EIF2B3: variants seen among roughly 807,000 people sequenced by gnomAD.
The protein encoded by EIF2B3 is eukaryotic translation initiation factor 2B subunit gamma.
In EIF2B3, 20 loss-of-function variants were observed where a neutral mutation model predicts 54.1. The observed-to-expected ratio is 0.37, with a 90% CI of 0.26 to 0.54. The LOEUF (loss-of-function observed/expected upper bound fraction) is 0.54, where lower values mean the gene tolerates loss of function less well. EIF2B3 is among the 20% of genes least tolerant of loss of function. The pLI is 0.86. For synonymous variants in EIF2B3, 153 were observed against 188.1 expected (o/e 0.81, Z 1.52); for missense variants, 448 against 547.8 (o/e 0.82, Z 1.82).
chr1:44,896,388 T>A (rs1009714783), intron 6 of EIF2B3, among the ~76,000 whole-genome samples: 1 of 152,152 alleles, frequency 6.6e-6, no homozygotes, highest in African/African-American at 2.4e-5. Context: ...GGGTGACAGG[T>A]AGGACACTGC....
intron 3 of EIF2B3, among the ~76,000 whole-genome samples, chr1:44,975,814 C>T (rs1644447254): frequency 6.6e-6 from 1 of 151,954 alleles, no homozygotes; most frequent in African/African-American, 2.4e-5. Context: ...CTATAAACTA[C>T]AAAAATTAGC....
At position 44,919,223 on chromosome 1, in the gene EIF2B3, G is replaced by A. The variant is rs576630322; in HGVS notation, c.566+7405C>T. On this transcript the variant is annotated intron_variant, in intron 5 of 11. Transcript: ENST00000360403. ...AAATTAGCTGGGCGTGGTGGCACAC[G>A]CCTGTAATCCCAACTACTCGGGAGG... Among the ~76,000 whole-genome samples, 91 of 152,070 alleles carry A rather than the reference G, an allele frequency of 6.0e-4. 1 individual carries two copies. Among genetic ancestry groups the A allele is most frequent in the South Asian group, 2.1e-4 (1 of 4,820 alleles).
intron 10 of EIF2B3, among the ~76,000 whole-genome samples, chr1:44,860,629 T>C (rs1025554198): frequency 6.6e-6 from 1 of 152,192 alleles, no homozygotes; most frequent in Non-Finnish European, 1.5e-5. Flanking sequence ...ATCCATAATT[T>C]AATCATAATG....
chr1:44,978,529 C>T, intron 2 of EIF2B3, 69 bp from the exon 3 acceptor site: 2 of 1,478,582 alleles, frequency 1.4e-6, no homozygotes. Context: ...TCCATTATTT[C>T]AATTAGATTT....
chr1:44,913,273 C>A (rs184410212), intron 5 of EIF2B3, among the ~76,000 whole-genome samples: 1 of 151,990 alleles, frequency 6.6e-6, no homozygotes. Context: ...CTGCTTCCTA[C>A]GTTTTTATTT....
At chr1:44,983,245 C>T (rs1332334916) in intron 1 of EIF2B3, among the ~76,000 whole-genome samples, 1 of 152,208 alleles carries the variant, frequency 6.6e-6, no homozygotes, top group African/African-American at 2.4e-5. Context: ...AAAGTACTTT[C>T]TCTTACAATG....
chr1:44,850,870 T>A lies in EIF2B3; in HGVS notation c.*81A>T. 1 of 1,510,130 alleles carries A rather than the reference T, an allele frequency of 6.6e-7. No homozygotes were observed. Among genetic ancestry groups the A allele is most frequent in the Non-Finnish European group, 9.2e-7 (1 of 1,086,278 alleles). 93.5% of individuals were successfully genotyped at this position (1,510,130 alleles called of 1,614,324 possible). On this transcript the variant is annotated 3_prime_UTR_variant, in exon 12 of 12. Transcript: ENST00000360403. ...TTGGAAGCCCTTCTTTATTGGGAAA[T>A]AAATACAGAGTTAAACAGGTGGGCC...
At chr1:44,952,946 G>T (rs2148949614) in intron 3 of EIF2B3, among the ~76,000 whole-genome samples, 1 of 152,268 alleles carries the variant, frequency 6.6e-6, no homozygotes, top group South Asian at 2.1e-4. Context: ...CAGGAACTTT[G>T]TTTTACTCAC....
intron 3 of EIF2B3, among the ~76,000 whole-genome samples, chr1:44,956,320 C>G (rs1298744035): frequency 6.6e-6 from 1 of 151,936 alleles, no homozygotes; most frequent in Non-Finnish European, 1.5e-5. Flanking sequence ...ACAATGAGAA[C>G]ACGTGGACAT....
intron 8 of EIF2B3, among the ~76,000 whole-genome samples, chr1:44,878,985 T>C (rs924020089): frequency 2.0e-5 from 3 of 152,100 alleles, no homozygotes; most frequent in Non-Finnish European, 2.9e-5. Context: ...GGTCTCGAAC[T>C]CCTGGACTCA....
intron 11 of EIF2B3, among the ~76,000 whole-genome samples, chr1:44,854,865 G>A (rs1263532331): frequency 2.0e-5 from 3 of 152,102 alleles, no homozygotes. Flanking sequence ...TGGGATTACA[G>A]GCATGAGCCA....
At chr1:44,968,401 A>C (rs952877882) in intron 3 of EIF2B3, among the ~76,000 whole-genome samples, 5 of 151,958 alleles carry the variant, frequency 3.3e-5, no homozygotes, top group Admixed American at 3.3e-4. Context: ...GAAACTTCAC[A>C]TGAAAAGAAC....
intron 3 of EIF2B3, among the ~76,000 whole-genome samples, chr1:44,972,956 G>A (rs1449388718): frequency 6.6e-6 from 1 of 152,170 alleles, no homozygotes; most frequent in East Asian, 1.9e-4. Context: ...TAGGAGCATC[G>A]CTTGACCCTG....
intron 11 of EIF2B3, among the ~76,000 whole-genome samples, chr1:44,853,994 G>GTTTT (rs113200962): frequency 2.8e-4 from 39 of 137,506 alleles, no homozygotes; most frequent in African/African-American, 1.1e-3. Context: ...AGCAGTTAGT[G>GTTTT]TTTTTTTTTT....
At chr1:44,920,199 G>A (rs1643711747) in intron 5 of EIF2B3, among the ~76,000 whole-genome samples, 1 of 151,434 alleles carries the variant, frequency 6.6e-6, no homozygotes, top group Non-Finnish European at 1.5e-5. Context: ...TAAGGTTTTG[G>A]TGCTATATAA....
At chr1:44,924,748 T>G (rs1643819808) in intron 5 of EIF2B3, among the ~76,000 whole-genome samples, 1 of 152,198 alleles carries the variant, frequency 6.6e-6, no homozygotes, top group African/African-American at 2.4e-5. Flanking sequence ...GAACTTTTAT[T>G]TATTAAATTC....
At chr1:44,892,473 G>A (rs560214362) in intron 6 of EIF2B3, among the ~76,000 whole-genome samples, 4 of 151,838 alleles carry the variant, frequency 2.6e-5, no homozygotes, top group African/African-American at 9.7e-5. Flanking sequence ...CCAGTTACTC[G>A]GGAGGCTGAG....
At chr1:44,948,079 A>G (rs931257117) in intron 3 of EIF2B3, among the ~76,000 whole-genome samples, 1 of 152,184 alleles carries the variant, frequency 6.6e-6, no homozygotes, top group Non-Finnish European at 1.5e-5. Context: ...AAATGCTTGG[A>G]AAAGATTCCA....
At chr1:44,913,109 T>TAAAA (rs552977811) in intron 5 of EIF2B3, among the ~76,000 whole-genome samples, 45 of 103,272 alleles carry the variant, frequency 4.4e-4, no homozygotes, top group African/African-American at 6.3e-4. Context: ...CGGTTTTTGT[T>TAAAA]AAAAAAAAAA....
Sources: allele counts gnomAD v4.1 joint callset (sites outside exome capture counted in the v4.1 genomes callset), GRCh38; gene constraint gnomAD v4.1.1; transcripts MANE v1.5; gene names NCBI Gene and HGNC (gene_info 2026-07-23, HGNC 2026-07-21).